TDO2: variants seen among roughly 807,000 people sequenced by gnomAD.
The protein encoded by TDO2 is tryptophan 2,3-dioxygenase.
A neutral mutation model predicts 61.2 loss-of-function variants in TDO2; 63 were observed. The ratio of observed to expected loss-of-function variants is 1.03; its 90% CI spans 0.84 to 1.27. The LOEUF is 1.27. TDO2 is among the 50% of genes most tolerant of loss of function. The pLI, the probability that TDO2 is intolerant of heterozygous loss-of-function variation, is 0.00. For missense variants in TDO2, 494 were observed against 469.5 expected (o/e 1.05, Z -0.48); for synonymous variants, 183 against 164.0 (o/e 1.12, Z -0.89).
chr4:155,907,467 G>T (rs1374901491), intron 3 of TDO2: 4 of 388,078 alleles, frequency 1.0e-5, no homozygotes, highest in African/African-American at 2.1e-5. Context: ...CATTTGTTGA[G>T]AGGAATTAGT....
chr4:155,917,345 C>A, intron 9 of TDO2, 50 bp from the exon 10 acceptor site: 1 of 1,486,200 alleles, frequency 6.7e-7, no homozygotes, highest in Non-Finnish European at 9.2e-7. Flanking sequence ...CCTCCTAACA[C>A]ACTCGATTTA....
intron 10 of TDO2, 140 bp from the exon 11 acceptor site, chr4:155,918,009 G>T: frequency 1.3e-6 from 1 of 766,256 alleles, no homozygotes; most frequent in Non-Finnish European, 2.1e-6. Context: ...TGGCTCTCAT[G>T]TATGAGCCTT....
chr4:155,916,036 T>A (rs895669783), intron 9 of TDO2, 124 bp downstream of exon 9: 46 of 796,552 alleles, frequency 5.8e-5, no homozygotes, highest in Non-Finnish European at 6.2e-5. Flanking sequence ...TGTAGAAAAC[T>A]TGGAAGATAA....
chr4:155,917,627 C>A (rs1560779512), intron 10 of TDO2, among the ~76,000 whole-genome samples, 153 bp downstream of exon 10: 1 of 151,942 alleles, frequency 6.6e-6, no homozygotes, highest in South Asian at 2.1e-4. Context: ...TTGGCCATCA[C>A]TCTCTCCCAG....
intron 11 of TDO2, among the ~76,000 whole-genome samples, chr4:155,919,487 C>A (rs1388825450): frequency 1.3e-5 from 2 of 152,034 alleles, no homozygotes; most frequent in Non-Finnish European, 2.9e-5. Flanking sequence ...AGACTGTTTG[C>A]TTTAAATGTA....
At chr4:155,905,650 A>T (rs1279206696) in intron 3 of TDO2, 1 of 152,720 alleles carries the variant, frequency 6.5e-6, no homozygotes, top group South Asian at 2.1e-4. Context: ...ATGACTTCAG[A>T]AGTTTAGAAG....
intron 5 of TDO2, among the ~76,000 whole-genome samples, chr4:155,909,398 G>A (rs911070623): frequency 1.3e-5 from 2 of 152,066 alleles, no homozygotes; most frequent in Non-Finnish European, 2.9e-5. Flanking sequence ...TAGAAGTTAT[G>A]GATTAAACCA....
In TDO2 at chr4:155,919,883, CT is replaced by C. The variant is rs1173428984; in HGVS notation, c.1115del (p.Leu372ArgfsTer10). The C allele has an allele frequency of 6.2e-7, 1 of 1,613,460 alleles. No homozygotes were observed. Among genetic ancestry groups the C allele is most frequent in the Non-Finnish European group, 8.5e-7 (1 of 1,179,744 alleles). On this transcript the variant is annotated frameshift_variant, in exon 12 of 12. Coordinates refer to ENST00000536354, the MANE Select transcript of TDO2 (RefSeq NM_005651.4). LOFTEE classifies it high-confidence loss of function. The part of the protein sequence containing the change: ...FVDLFNLSTY[L>X]IPRHWIPKMN... Reference sequence around the variant, plus strand: ...AGATTTATTTAATCTTTCAACATACCTGATTCCCCGACACTGGATACCGAAG... The same window carrying C: ...AGATTTATTTAATCTTTCAACATACCGATTCCCCGACACTGGATACCGAAG...
At chr4:155,915,773 A>AT (rs1742920770) in intron 8 of TDO2, 82 bp from the exon 9 acceptor site, 1 of 1,212,844 alleles carries the variant, frequency 8.2e-7, no homozygotes, top group African/African-American at 1.6e-5. Flanking sequence ...AATCCATTAA[A>AT]TTTTTTAAGA....
intron 3 of TDO2, chr4:155,905,495 A>G (rs949268032): frequency 1.5e-4 from 31 of 203,696 alleles, no homozygotes; most frequent in Non-Finnish European, 1.5e-4. Flanking sequence ...TTTCAAGATC[A>G]TTGAAATTTA....
intron 7 of TDO2, 101 bp downstream of exon 7, chr4:155,911,705 AT>A (rs1267772296): frequency 5.2e-6 from 4 of 765,270 alleles, no homozygotes; most frequent in Non-Finnish European, 5.8e-6. Context: ...TCTTTCTCAT[AT>A]TTTTTTCTTA....
chr4:155,915,596 T>G (rs1421600783), intron 8 of TDO2, among the ~76,000 whole-genome samples: 3 of 152,172 alleles, frequency 2.0e-5, no homozygotes, highest in Non-Finnish European at 4.4e-5. Context: ...AAAAATCAGG[T>G]TTTCCTAACA....
chr4:155,916,821 T>C (rs1742947506), intron 9 of TDO2, among the ~76,000 whole-genome samples: 1 of 152,196 alleles, frequency 6.6e-6, no homozygotes, highest in African/African-American at 2.4e-5. Flanking sequence ...TAAAATCTTC[T>C]CAAGTCTTTC....
At chr4:155,907,946 A>G (rs1346473052) in intron 4 of TDO2, among the ~76,000 whole-genome samples, 154 bp downstream of exon 4, 1 of 152,238 alleles carries the variant, frequency 6.6e-6, no homozygotes, top group African/African-American at 2.4e-5. Context: ...GAGTTCAGTC[A>G]TATTTTTCCA....
intron 9 of TDO2, among the ~76,000 whole-genome samples, chr4:155,916,877 C>T (rs374267367): frequency 3.8e-4 from 58 of 152,090 alleles, no homozygotes; most frequent in African/African-American, 1.2e-3. Context: ...TTTTCCTAAA[C>T]TCAAGTAAAT....
In TDO2 at chr4:155,917,445, A is replaced by C. The variant is rs145916793; in HGVS notation, c.947A>C (p.Asp316Ala). ...TTTCAGTTGCTGACTTCTCTTATGG[A>C]CATAGATTCACTGATGACCAAATGG... Reference protein sequence around the residue: ...VPFQLLTSLMDIDSLMTKWRY... With the variant: ...VPFQLLTSLMAIDSLMTKWRY... Residue 316 changes from aspartate (D) to alanine (A), a missense_variant, in exon 10 of 12, where the codon GAC (aspartate) becomes GCC (alanine). Physicochemically the swap from Asp to Ala is moderately radical, Grantham distance 126 (BLOSUM62 -2). Coordinates refer to ENST00000536354, the MANE Select transcript of TDO2 (RefSeq NM_005651.4). 2.3e-5 allele frequency: 37 copies of C among 1,611,176 alleles called. No individual in the cohort carries two copies. Among genetic ancestry groups the C allele is most frequent in the Non-Finnish European group, 3.1e-5 (36 of 1,178,964 alleles).
chr4:155,912,885 A>G (rs1742861105), intron 7 of TDO2, among the ~76,000 whole-genome samples: 1 of 152,090 alleles, frequency 6.6e-6, no homozygotes, highest in Non-Finnish European at 1.5e-5. Context: ...TTGTACCAAC[A>G]TTGTCTTCTC....
At position 155,912,587 on chromosome 4, in the gene TDO2, T is replaced by A. The variant is rs553700205; in HGVS notation, c.726+983T>A. On this transcript the variant is annotated intron_variant, in intron 7 of 11. Coordinates refer to ENST00000536354, the MANE Select transcript of TDO2 (RefSeq NM_005651.4). ...TCTCTGGCCCTTATTTCTCTATCTC[T>A]TTTACTTGCTCTTATTTCTCTCTCA... 2.0e-5 allele frequency among the ~76,000 whole-genome samples: 3 copies of A among 152,262 alleles called. No homozygotes were observed. The South Asian group carries it at 6.2e-4, about 32-fold the overall frequency.
intron 3 of TDO2, chr4:155,905,415 T>A (rs906219329): frequency 6.0e-6 from 2 of 335,762 alleles, no homozygotes; most frequent in African/African-American, 4.3e-5. Context: ...ACTTTCTGCC[T>A]CTTGGAATTT....
Sources: allele counts gnomAD v4.1 joint callset (sites outside exome capture counted in the v4.1 genomes callset), GRCh38; gene constraint gnomAD v4.1.1; transcripts MANE v1.5; gene names NCBI Gene and HGNC (gene_info 2026-07-23, HGNC 2026-07-21).